Variants in ABCA13 observed in about 807,000 individuals in gnomAD.
ABCA13 encodes ATP binding cassette subfamily A member 13, also known as ATP-binding cassette sub-family A member 13.
In ABCA13, 476 loss-of-function variants were observed where a neutral mutation model predicts 478.7. That is an observed-to-expected ratio of 0.99 (90% confidence interval 0.92 to 1.07). The LOEUF (loss-of-function observed/expected upper bound fraction) is 1.07. ABCA13 is among the 50% of genes least tolerant of loss of function. ABCA13 has a pLI of 0.00. For synonymous variants in ABCA13, 2,252 were observed against 2,158.9 expected (o/e 1.04, Z -1.20); for missense variants, 6,060 against 5,910.6 (o/e 1.03, Z -0.83).
At chr7:48,348,781 G>A (rs1341003569) in intron 29 of ABCA13, among the ~76,000 whole-genome samples, 24 of 152,168 alleles carry the variant, frequency 1.6e-4, no homozygotes, top group Admixed American at 1.6e-3. Context: ...CTCTTTCAGA[G>A]CCCTACAATA....
intron 27 of ABCA13, among the ~76,000 whole-genome samples, chr7:48,329,967 A>G (rs976226261): frequency 2.0e-5 from 3 of 151,416 alleles, no homozygotes; most frequent in African/African-American, 4.9e-5. Flanking sequence ...CCATCCATCT[A>G]TCCATCTATG....
At chr7:48,356,041 G>A (rs779508430) in intron 31 of ABCA13, among the ~76,000 whole-genome samples, 13 of 151,966 alleles carry the variant, frequency 8.6e-5, no homozygotes, top group Non-Finnish European at 1.9e-4. Flanking sequence ...CTCCCATGAA[G>A]AGGTAAATGA....
chr7:48,434,934 AGT>A (rs1053884843), intron 42 of ABCA13, among the ~76,000 whole-genome samples: 14 of 151,986 alleles, frequency 9.2e-5, no homozygotes, highest in Admixed American at 7.9e-4. Context: ...GAAATCAGAA[AGT>A]GGGAATTCTC....
chr7:48,316,570 A>G (rs1584804581), intron 26 of ABCA13, among the ~76,000 whole-genome samples: 2 of 152,322 alleles, frequency 1.3e-5, no homozygotes, highest in African/African-American at 4.8e-5. Flanking sequence ...ATCTTATTTT[A>G]CTTCCTGTCT....
At chr7:48,590,323 G>C (rs1192600801) in intron 57 of ABCA13, among the ~76,000 whole-genome samples, 2 of 151,470 alleles carry the variant, frequency 1.3e-5, no homozygotes, top group African/African-American at 4.9e-5. Context: ...GAGAGACAAG[G>C]AAACAGGGAG....
At chr7:48,319,695 A>G (rs1273877969) in intron 27 of ABCA13, among the ~76,000 whole-genome samples, 1 of 152,200 alleles carries the variant, frequency 6.6e-6, no homozygotes, top group African/African-American at 2.4e-5. Context: ...TGACACCCAG[A>G]AGCATGATGC....
At chr7:48,512,115 C>T (rs1831739112) in intron 51 of ABCA13, among the ~76,000 whole-genome samples, 1 of 151,346 alleles carries the variant, frequency 6.6e-6, no homozygotes, top group Non-Finnish European at 1.5e-5. Flanking sequence ...GAAAGAGACA[C>T]TAAGAGAGAG....
At chr7:48,297,786 C>CTTTTTTTT (rs11393352) in intron 22 of ABCA13, among the ~76,000 whole-genome samples, 1 of 142,002 alleles carries the variant, frequency 7.0e-6, no homozygotes, top group Non-Finnish European at 1.5e-5. Context: ...TTCTTTCTTT[C>CTTTTTTTT]TTTTTTTTTT....
rs1824655623 is a variant in ABCA13, at chr7:48,449,033, G to T, written c.12566-6004G>T. ...AATTTTTGTATTTTTAGTAGAGATG[G>T]GATTTCACCATGTTGGCCAGGCTGG... On this transcript the variant is annotated intron_variant, in intron 42 of 61. Coordinates refer to ENST00000435803, the MANE Select transcript of ABCA13 (RefSeq NM_152701.5). 7.2e-5 allele frequency among the ~76,000 whole-genome samples: 11 copies of T among 151,990 alleles called. No homozygotes were observed. In the South Asian group the frequency reaches 2.3e-3, roughly 32 times the overall value.
chr7:48,567,728 C>A (rs974589336), intron 55 of ABCA13, among the ~76,000 whole-genome samples: 3 of 151,274 alleles, frequency 2.0e-5, no homozygotes, highest in African/African-American at 7.3e-5. Context: ...CTTTCATGAC[C>A]CTATCTAAAC....
At chr7:48,544,604 G>C (rs1044605137) in intron 55 of ABCA13, among the ~76,000 whole-genome samples, 1 of 151,854 alleles carries the variant, frequency 6.6e-6, no homozygotes, top group Non-Finnish European at 1.5e-5. Flanking sequence ...TTCCCAGAGA[G>C]GGATGGAAGC....
At chr7:48,473,878 G>A (rs952734788) in intron 45 of ABCA13, among the ~76,000 whole-genome samples, 4 of 152,112 alleles carry the variant, frequency 2.6e-5, no homozygotes, top group African/African-American at 7.2e-5. Flanking sequence ...TCTCTTAGAC[G>A]AAAGATACAC....
intron 42 of ABCA13, among the ~76,000 whole-genome samples, chr7:48,439,232 G>A (rs1823258333): frequency 6.6e-6 from 1 of 152,028 alleles, no homozygotes; most frequent in African/African-American, 2.4e-5. Flanking sequence ...TAGAGCTCAG[G>A]GGTCTCTTCC....
rs999405798 is a variant in ABCA13, at chr7:48,393,395, G to A, written c.11873+1256G>A. Among the ~76,000 whole-genome samples the A allele has an allele frequency of 4.6e-5, 7 of 152,336 alleles. No individual in the cohort carries two copies. In the East Asian group the frequency reaches 7.7e-4, roughly 17 times the overall value. The stretch of plus-strand genomic sequence containing the variant: ...ATGGATGGACTTTGCAAAGCAGAAC[G>A]TCAACCATGGCGTGAGTGTGTGGGG... On this transcript the variant is annotated intron_variant, in intron 38 of 61. Coordinates refer to ENST00000435803, the MANE Select transcript of ABCA13 (RefSeq NM_152701.5).
chr7:48,627,059 T>C, intron 59 of ABCA13: 1 of 985,074 alleles, frequency 1.0e-6, no homozygotes, highest in African/African-American at 1.7e-5. Flanking sequence ...TTGCTGCATT[T>C]ATTTTAATTA....
Position 48,279,049 on chromosome 7 carries a change from C to T in ABCA13, c.7855C>T (p.Pro2619Ser). The change falls in exon 18 of 62, where the codon CCT becomes TCT. Residue 2619 changes from proline (P) to serine (S), a missense_variant. Pro to Ser is a moderately conservative substitution (Grantham distance 74). This residue lies in a region of ABCA13 where 4,423 missense variants were observed against 4,309.1 expected (regional missense o/e 1.03). Transcript: ENST00000435803. Reference sequence around the variant, plus strand: ...AAACTCTGATATTTTCAGTATGTCACCTAGCATACTCTCATATATGAACCA... The same window carrying T: ...AAACTCTGATATTTTCAGTATGTCATCTAGCATACTCTCATATATGAACCA... ...SSNSDIFSMS[P>S]SILSYMNQSK... 6.2e-7 allele frequency: 1 copy of T among 1,613,000 alleles called. No individual in the cohort carries two copies. Among genetic ancestry groups the T allele is most frequent in the Non-Finnish European group, 8.5e-7 (1 of 1,179,732 alleles).
At chr7:48,437,523 TC>T (rs1433102592) in intron 42 of ABCA13, among the ~76,000 whole-genome samples, 1 of 152,076 alleles carries the variant, frequency 6.6e-6, no homozygotes, top group Non-Finnish European at 1.5e-5. Context: ...TTCCTGATTT[TC>T]TTTAGTTCTT....
intron 31 of ABCA13, among the ~76,000 whole-genome samples, chr7:48,353,811 C>T (rs922727485): frequency 1.4e-4 from 21 of 151,938 alleles, no homozygotes; most frequent in African/African-American, 4.9e-4. Context: ...GTGCGGTGAA[C>T]AAAAGGTCAG....
At chr7:48,338,221 G>T (rs1171594925) in intron 28 of ABCA13, 144 bp from the exon 29 acceptor site, 2 of 473,918 alleles carry the variant, frequency 4.2e-6, no homozygotes, top group Middle Eastern at 5.6e-4. Flanking sequence ...GTTATTTATT[G>T]TGGTGTTTTA....
Sources: allele counts gnomAD v4.1 joint callset (sites outside exome capture counted in the v4.1 genomes callset), GRCh38; gene constraint gnomAD v4.1.1; regional missense constraint gnomAD v4.1.1; transcripts MANE v1.5; gene names NCBI Gene and HGNC (gene_info 2026-07-23, HGNC 2026-07-21).